SGCZ: variants seen among roughly 807,000 people sequenced by gnomAD.
The protein encoded by SGCZ is sarcoglycan zeta.
Under a neutral mutation model 41.3 loss-of-function variants are expected in SGCZ, and 40 were observed. The observed-to-expected ratio is 0.97, with a 90% CI of 0.75 to 1.26. SGCZ has a LOEUF of 1.26. Ranked by LOEUF, SGCZ falls within the 50% of genes most tolerant of loss-of-function variation. The pLI is 0.00. For synonymous variants in SGCZ, 206 were observed against 137.5 expected, an observed-to-expected ratio of 1.50 and a Z score of -3.49; for missense variants, 552 against 369.8, an observed-to-expected ratio of 1.49 and a Z score of -4.04.
At chr8:14,466,917 A>C (rs899416924) in intron 2 of SGCZ, among the ~76,000 whole-genome samples, 7 of 151,816 alleles carry the variant, frequency 4.6e-5, no homozygotes, top group African/African-American at 4.8e-5. Context: ...GTGTATTAAA[A>C]TCTTTGTCTC....
intron 1 of SGCZ, among the ~76,000 whole-genome samples, chr8:14,801,958 G>A (rs954612696): frequency 1.3e-5 from 2 of 152,092 alleles, no homozygotes; most frequent in Non-Finnish European, 2.9e-5. Context: ...TATGAGAGAA[G>A]GGATGTTTTC....
intron 1 of SGCZ, among the ~76,000 whole-genome samples, chr8:15,017,326 GTA>G (rs1196235171): frequency 6.6e-6 from 1 of 152,152 alleles, no homozygotes; most frequent in African/African-American, 2.4e-5. Flanking sequence ...GCAGACACCT[GTA>G]TTGCAACTGC....
At chr8:14,669,962 C>T (rs1216291703) in intron 1 of SGCZ, among the ~76,000 whole-genome samples, 5 of 152,142 alleles carry the variant, frequency 3.3e-5, no homozygotes, top group Non-Finnish European at 7.4e-5. Flanking sequence ...CAGATTCTTC[C>T]TCTAATTACT....
chr8:15,229,349 C>T (rs1355906878), intron 1 of SGCZ, among the ~76,000 whole-genome samples: 2 of 151,998 alleles, frequency 1.3e-5, no homozygotes, highest in Non-Finnish European at 2.9e-5. Context: ...TTTATGAAAG[C>T]ATAATAATAA....
intron 1 of SGCZ, among the ~76,000 whole-genome samples, chr8:14,607,771 A>G (rs908558885): frequency 1.3e-5 from 2 of 152,218 alleles, no homozygotes; most frequent in African/African-American, 2.4e-5. Context: ...GCTCCTCTGG[A>G]TAATTATGTT....
intron 1 of SGCZ, among the ~76,000 whole-genome samples, chr8:15,098,283 G>A (rs1806464288): frequency 6.6e-6 from 1 of 152,220 alleles, no homozygotes; most frequent in South Asian, 2.1e-4. Context: ...GCTACAATGT[G>A]CATATTCTTC....
At chr8:14,477,265 C>T (rs1244783042) in intron 2 of SGCZ, among the ~76,000 whole-genome samples, 1 of 152,030 alleles carries the variant, frequency 6.6e-6, no homozygotes, top group African/African-American at 2.4e-5. Context: ...AGGCTGTTGG[C>T]AAAACAACAA....
At chr8:14,843,219 G>C (rs1802987022) in intron 1 of SGCZ, among the ~76,000 whole-genome samples, 1 of 151,762 alleles carries the variant, frequency 6.6e-6, no homozygotes, top group South Asian at 2.1e-4. Flanking sequence ...TTTAAAAAAA[G>C]AAAAAAAGAA....
At chr8:14,612,014 G>A (rs918674135) in intron 1 of SGCZ, among the ~76,000 whole-genome samples, 17 of 152,098 alleles carry the variant, frequency 1.1e-4, no homozygotes, top group Non-Finnish European at 2.5e-4. Flanking sequence ...TTTAAGGGAG[G>A]CATTAATAAG....
intron 4 of SGCZ, among the ~76,000 whole-genome samples, chr8:14,172,791 G>A (rs1351658517): frequency 6.6e-6 from 1 of 152,130 alleles, no homozygotes; most frequent in Non-Finnish European, 1.5e-5. Flanking sequence ...GTGGGGCAAT[G>A]AAACGGAGAA....
intron 1 of SGCZ, among the ~76,000 whole-genome samples, chr8:14,756,185 A>AT (rs34700961): frequency 0.59 from 80,253 of 136,184 alleles, 23,652 homozygotes; most frequent in East Asian, 0.68. Flanking sequence ...GTAGAAGTAA[A>AT]TTTTTTTTTT....
intron 1 of SGCZ, among the ~76,000 whole-genome samples, chr8:15,101,761 C>G (rs1423080728): frequency 6.6e-6 from 1 of 152,066 alleles, no homozygotes; most frequent in Non-Finnish European, 1.5e-5. Context: ...GGAATCCCAT[C>G]TCTACTAAAA....
At chr8:14,828,862 T>C (rs1372097611) in intron 1 of SGCZ, among the ~76,000 whole-genome samples, 2 of 152,194 alleles carry the variant, frequency 1.3e-5, no homozygotes, top group Admixed American at 6.5e-5. Flanking sequence ...TCCACTCATT[T>C]CTTTCTTCAA....
intron 1 of SGCZ, among the ~76,000 whole-genome samples, chr8:14,703,285 C>T (rs4831304): frequency 0.39 from 59,395 of 151,742 alleles, 14,154 homozygotes; most frequent in Non-Finnish European, 0.55. Flanking sequence ...CTCTTCTTGT[C>T]TACACTGACA....
Position 14,925,679 on chromosome 8 carries a change from G to T in SGCZ, c.39+311906C>A, listed in dbSNP as rs535292533. Among the ~76,000 whole-genome samples the T allele has an allele frequency of 5.3e-5, 8 of 152,302 alleles. 1 individual carries two copies. In the South Asian group the frequency reaches 1.5e-3, roughly 28 times the overall value. The stretch of plus-strand genomic sequence containing the variant: ...AGCATCCTATGCCAGATCCAGTGTG[G>T]CAAGGTTTGAGTCCCTCAGACACGA... On this transcript the variant is annotated intron_variant, in intron 1 of 7. Transcript: ENST00000382080.
intron 1 of SGCZ, among the ~76,000 whole-genome samples, chr8:15,108,319 C>G (rs761984187): frequency 1.3e-5 from 2 of 152,004 alleles, no homozygotes; most frequent in African/African-American, 4.8e-5. Context: ...TTTTATCAAA[C>G]GCAGAGGTAG....
chr8:14,380,716 G>A (rs934228227), intron 2 of SGCZ, among the ~76,000 whole-genome samples: 4 of 152,154 alleles, frequency 2.6e-5, no homozygotes, highest in African/African-American at 4.8e-5. Flanking sequence ...GCTGGGCATG[G>A]TGGTGCGTAT....
intron 2 of SGCZ, among the ~76,000 whole-genome samples, chr8:14,439,483 A>G (rs1010646189): frequency 2.0e-5 from 3 of 151,728 alleles, no homozygotes; most frequent in African/African-American, 4.8e-5. Context: ...CAGTACAAAA[A>G]CAGAAAACAC....
At chr8:14,367,328 A>G (rs1803749746) in intron 2 of SGCZ, among the ~76,000 whole-genome samples, 1 of 152,032 alleles carries the variant, frequency 6.6e-6, no homozygotes, top group South Asian at 2.1e-4. Context: ...GGAAGTTCCA[A>G]ACATCCCCAC....
Sources: gnomAD v4.1 joint callset for allele counts (sites outside exome capture counted in the v4.1 genomes callset) on GRCh38, gnomAD v4.1.1 for gene constraint, MANE v1.5 for transcripts, NCBI Gene and HGNC (gene_info 2026-07-23, HGNC 2026-07-21) for gene names.